The following ASIC2 variants were observed in gnomAD, a reference collection of about 807,000 sequenced individuals.
ASIC2 encodes the protein acid-sensing ion channel 2.
Under a neutral mutation model 57.3 loss-of-function variants are expected in ASIC2, and 25 were observed. That is an observed-to-expected ratio of 0.44 (90% CI 0.32 to 0.61). The LOEUF (loss-of-function observed/expected upper bound fraction) is 0.61. Ranked by LOEUF, ASIC2 falls within the 20% of genes least tolerant of loss-of-function variation. The pLI, the probability that ASIC2 is intolerant of heterozygous loss-of-function variation, is 0.06. For missense variants in ASIC2, 641 were observed against 738.1 expected (o/e 0.87, Z 1.52); for synonymous variants, 319 against 307.5 (o/e 1.04, Z -0.39).
At position 33,973,161 on chromosome 17, in the gene ASIC2, A is replaced by T. The variant is rs1905270436; in HGVS notation, c.555+182817T>A. Among the ~76,000 whole-genome samples, 3 of 152,222 alleles carry T rather than the reference A, an allele frequency of 2.0e-5. No individual in the cohort carries two copies. In the South Asian group the frequency reaches 6.2e-4, roughly 32 times the overall value. ...GCAGAAACCTTCTCCACAGAGACTG[A>T]GGTGGAACACACAGAGCTCAGCTCT... On this transcript the variant is annotated intron_variant, in intron 1 of 9. Transcript: ENST00000359872.
intron 1 of ASIC2, among the ~76,000 whole-genome samples, chr17:34,134,321 A>G (rs1245007549): frequency 6.6e-6 from 1 of 152,138 alleles, no homozygotes; most frequent in Non-Finnish European, 1.5e-5. Context: ...TTAAGTACTA[A>G]TGGTCTTGTC....
At chr17:33,762,172 G>A (rs549881331) in intron 1 of ASIC2, among the ~76,000 whole-genome samples, 2 of 152,268 alleles carry the variant, frequency 1.3e-5, no homozygotes, top group East Asian at 3.9e-4. Context: ...TGTGGAGGTG[G>A]CACAGCCCTG....
chr17:34,010,975 C>CACACAG (rs1906699112), intron 1 of ASIC2, among the ~76,000 whole-genome samples: 1 of 3,174 alleles, frequency 3.2e-4, no homozygotes. Context: ...CATGCACACG[C>CACACAG]ACACACACAT....
chr17:33,887,457 G>A (rs1442819716), intron 1 of ASIC2, among the ~76,000 whole-genome samples: 1 of 152,150 alleles, frequency 6.6e-6, no homozygotes, highest in African/African-American at 2.4e-5. Flanking sequence ...TGCAGGAGGA[G>A]GTCTTCAAGA....
At chr17:33,729,738 CTG>C (rs1490184553) in intron 1 of ASIC2, among the ~76,000 whole-genome samples, 1 of 152,114 alleles carries the variant, frequency 6.6e-6, no homozygotes, top group African/African-American at 2.4e-5. Flanking sequence ...ATGAGTTTAT[CTG>C]TGTAAAGCGC....
chr17:33,580,937 C>T (rs573151390), intron 1 of ASIC2, among the ~76,000 whole-genome samples: 26 of 152,232 alleles, frequency 1.7e-4, no homozygotes, highest in African/African-American at 5.1e-4. Flanking sequence ...TTGGTTTATG[C>T]GGTAGGCAAA....
intron 1 of ASIC2, among the ~76,000 whole-genome samples, chr17:33,468,359 G>C (rs921829794): frequency 2.0e-5 from 3 of 152,162 alleles, no homozygotes; most frequent in African/African-American, 7.2e-5. Flanking sequence ...TTAATAAGCA[G>C]TGTATCCAGG....
intron 1 of ASIC2, among the ~76,000 whole-genome samples, chr17:33,615,240 T>C (rs1905561133): frequency 6.6e-6 from 1 of 152,226 alleles, no homozygotes; most frequent in Non-Finnish European, 1.5e-5. Context: ...AAGATTTCAA[T>C]GTGCATTGCC....
At chr17:33,501,784 T>A (rs980716724) in intron 1 of ASIC2, among the ~76,000 whole-genome samples, 3 of 152,178 alleles carry the variant, frequency 2.0e-5, no homozygotes, top group African/African-American at 7.2e-5. Flanking sequence ...TAAAAGGCCA[T>A]CCTAAAGAAT....
chr17:33,195,176 C>T (rs1006411790), intron 1 of ASIC2, among the ~76,000 whole-genome samples: 1 of 152,154 alleles, frequency 6.6e-6, no homozygotes, highest in African/African-American at 2.4e-5. Context: ...CCAACCCCAA[C>T]CTCCCTGAGC....
At chr17:33,863,223 C>T (rs996795518) in intron 1 of ASIC2, among the ~76,000 whole-genome samples, 4 of 152,248 alleles carry the variant, frequency 2.6e-5, no homozygotes, top group South Asian at 2.1e-4. Flanking sequence ...TTCTGGGCCA[C>T]GTGGCTGAGA....
At chr17:33,959,636 T>C (rs1904855875) in intron 1 of ASIC2, among the ~76,000 whole-genome samples, 1 of 152,192 alleles carries the variant, frequency 6.6e-6, no homozygotes, top group Non-Finnish European at 1.5e-5. Flanking sequence ...GCATCCAGCA[T>C]GGGAGAAAGA....
At chr17:34,028,178 C>T (rs753963660) in intron 1 of ASIC2, among the ~76,000 whole-genome samples, 3 of 151,968 alleles carry the variant, frequency 2.0e-5, no homozygotes, top group Non-Finnish European at 2.9e-5. Context: ...CCATTGCCCC[C>T]CAGCCTTAGA....
At chr17:33,939,671 A>G (rs1916142370) in intron 1 of ASIC2, among the ~76,000 whole-genome samples, 1 of 152,170 alleles carries the variant, frequency 6.6e-6, no homozygotes, top group Non-Finnish European at 1.5e-5. Flanking sequence ...TGTGGACTCC[A>G]GGGCTGGGAT....
chr17:33,555,851 C>G (rs1366860642), intron 1 of ASIC2, among the ~76,000 whole-genome samples: 1 of 152,148 alleles, frequency 6.6e-6, no homozygotes, highest in African/African-American at 2.4e-5. Flanking sequence ...GATACAGGGA[C>G]TCTAGCTGAG....
intron 1 of ASIC2, among the ~76,000 whole-genome samples, chr17:33,502,065 G>A (rs1354571226): frequency 6.6e-6 from 1 of 152,142 alleles, no homozygotes; most frequent in Non-Finnish European, 1.5e-5. Flanking sequence ...CCTGACACCT[G>A]AAGGTGAAAT....
intron 1 of ASIC2, among the ~76,000 whole-genome samples, chr17:33,528,845 G>C (rs146648907): frequency 4.2e-4 from 64 of 152,302 alleles, no homozygotes; most frequent in African/African-American, 1.5e-3. Context: ...TCGTCACGAA[G>C]GTCTTAATTA....
intron 1 of ASIC2, among the ~76,000 whole-genome samples, chr17:33,746,319 T>C (rs2701475): frequency 0.38 from 55,846 of 148,226 alleles, 12,596 homozygotes; most frequent in Non-Finnish European, 0.52. Flanking sequence ...CATGTACACA[T>C]ATATACATAT....
chr17:33,315,939 C>CT (rs1906626747), intron 1 of ASIC2, among the ~76,000 whole-genome samples: 1 of 152,174 alleles, frequency 6.6e-6, no homozygotes, highest in Non-Finnish European at 1.5e-5. Flanking sequence ...CTCACTGAGC[C>CT]TTATTTTCCT....
Sources: gnomAD v4.1 joint callset for allele counts (sites outside exome capture counted in the v4.1 genomes callset) on GRCh38, gnomAD v4.1.1 for gene constraint, MANE v1.5 for transcripts, NCBI Gene and HGNC (gene_info 2026-07-23, HGNC 2026-07-21) for gene names.